WWC2: variants seen among roughly 807,000 people sequenced by gnomAD.
WWC2 encodes protein WWC2.
In WWC2, 101 loss-of-function variants were observed where a neutral mutation model predicts 138.5. That is an observed-to-expected ratio of 0.73 (90% CI 0.62 to 0.86). The LOEUF is 0.86. WWC2 is among the 40% of genes least tolerant of loss of function. WWC2 has a pLI of 0.00. For synonymous variants in WWC2, 558 were observed against 538.4 expected, an observed-to-expected ratio of 1.04 and a Z score of -0.50; for missense variants, 1,420 against 1,419.4, an observed-to-expected ratio of 1.00 and a Z score of -0.01.
chr4:183,111,179 G>T (rs1029198226), intron 1 of WWC2, among the ~76,000 whole-genome samples: 1 of 152,180 alleles, frequency 6.6e-6, no homozygotes, highest in Non-Finnish European at 1.5e-5. Context: ...GGCGGAGCTT[G>T]CAGTGAGCGG....
intron 22 of WWC2, among the ~76,000 whole-genome samples, chr4:183,314,857 C>T (rs957214518): frequency 3.9e-5 from 6 of 152,160 alleles, no homozygotes; most frequent in African/African-American, 1.4e-4. Flanking sequence ...CTCACTCCTC[C>T]TTTTCTTCTC....
At chr4:183,195,910 T>TC (rs1291546443) in intron 2 of WWC2, among the ~76,000 whole-genome samples, 1 of 152,142 alleles carries the variant, frequency 6.6e-6, no homozygotes, top group Admixed American at 6.5e-5. Flanking sequence ...TGAAATGTAA[T>TC]CTCCAGTGTT....
rs745529424 is a variant in WWC2 at position 183,319,482 on chromosome 4, C to G, written c.*3753C>G. The G allele has an allele frequency of 6.4e-6, 9 of 1,408,344 alleles. No individual in the cohort carries two copies. The highest frequency in any genetic ancestry group is 8.7e-6 in the Non-Finnish European group (9 of 1,035,104). 87.2% of individuals were successfully genotyped at this position (1,408,344 alleles called of 1,614,324 possible). On this transcript the variant is annotated 3_prime_UTR_variant, in exon 23 of 23. Coordinates refer to ENST00000403733, the MANE Select transcript of WWC2 (RefSeq NM_024949.6). Reference sequence around the variant, plus strand: ...AAAAATCAAAAGCACAGTGAGATGACTAGAGCGGGACATCCTACCAAATCC... The same window carrying G: ...AAAAATCAAAAGCACAGTGAGATGAGTAGAGCGGGACATCCTACCAAATCC...
At chr4:183,125,903 T>A (rs914550696) in intron 1 of WWC2, among the ~76,000 whole-genome samples, 1 of 152,206 alleles carries the variant, frequency 6.6e-6, no homozygotes, top group African/African-American at 2.4e-5. Context: ...TGAGAAGGAT[T>A]GGCCTTGTTC....
chr4:183,099,733 T>G (rs946802483), intron 1 of WWC2, 111 bp downstream of exon 1: 1 of 1,060,424 alleles, frequency 9.4e-7, no homozygotes, highest in Non-Finnish European at 1.2e-6. Context: ...CCCCGAGGGG[T>G]CCCGGGAGGG....
intron 4 of WWC2, 42 bp from the exon 5 acceptor site, chr4:183,240,141 T>A (rs1736571312): frequency 7.1e-7 from 1 of 1,405,882 alleles, no homozygotes; most frequent in African/African-American, 1.5e-5. Context: ...GTGTTGCTAA[T>A]TATCTGCAAA....
At chr4:183,247,545 T>G in intron 6 of WWC2, among the ~76,000 whole-genome samples, 1 of 141,794 alleles carries the variant, frequency 7.1e-6, no homozygotes, top group East Asian at 2.0e-4. Context: ...ATATACTATA[T>G]ATATACTGTA....
chr4:183,175,339 G>C (rs1734432626), intron 1 of WWC2, among the ~76,000 whole-genome samples: 1 of 152,064 alleles, frequency 6.6e-6, no homozygotes, highest in African/African-American at 2.4e-5. Flanking sequence ...TTGGCTCACT[G>C]TAGCCTTGAT....
At position 183,282,877 on chromosome 4, in the gene WWC2, A is replaced by C. The variant is rs756618470; in HGVS notation, c.2854A>C (p.Ser952Arg). The C allele has an allele frequency of 6.3e-7, 1 of 1,588,402 alleles. No homozygotes were observed. The highest frequency in any genetic ancestry group is 8.6e-7 in the Non-Finnish European group (1 of 1,166,864). ...AAGCAACTGTGCCAAAGACCTCAGA[A>C]GTCAGCCACCTACTAGAATACCAAC... ...KESNCAKDLRSQPPTRIPTLV... is the reference protein window; with the variant it reads ...KESNCAKDLRRQPPTRIPTLV... The change falls in exon 18 of 23, where the codon AGT becomes CGT. Residue 952 changes from serine (S) to arginine (R), a missense_variant. Ser to Arg is a moderately radical substitution (Grantham distance 110). Transcript: ENST00000403733.
intron 1 of WWC2, among the ~76,000 whole-genome samples, chr4:183,101,906 T>G (rs534713442): frequency 6.6e-6 from 1 of 152,246 alleles, no homozygotes; most frequent in East Asian, 1.9e-4. Context: ...TTTTATGTTA[T>G]TCTGTTAAGG....
At chr4:183,113,929 A>G (rs1265858058) in intron 1 of WWC2, among the ~76,000 whole-genome samples, 1 of 152,154 alleles carries the variant, frequency 6.6e-6, no homozygotes, top group Non-Finnish European at 1.5e-5. Context: ...ATGTGGGTAC[A>G]TGAGGCTTGA....
intron 1 of WWC2, among the ~76,000 whole-genome samples, chr4:183,188,706 C>T (rs1734893720): frequency 6.7e-6 from 1 of 149,770 alleles, no homozygotes; most frequent in Non-Finnish European, 1.5e-5. Flanking sequence ...GTGCAATGGC[C>T]CGATCTTCAC....
chr4:183,130,897 C>T lies in WWC2; in HGVS notation c.131+31275C>T, dbSNP rs150401356. 3.9e-3 allele frequency among the ~76,000 whole-genome samples: 592 copies of T among 152,244 alleles called. 4 individuals carry two copies. The highest frequency in any genetic ancestry group is 0.01 in the Middle Eastern group (3 of 294). ...TACTATTTAAATGTTAAATCTCATCCGAAAAGTACTTTCACAGCAACATCT... is the reference window on the plus strand; with the variant it reads ...TACTATTTAAATGTTAAATCTCATCTGAAAAGTACTTTCACAGCAACATCT... On this transcript the variant is annotated intron_variant, in intron 1 of 22. Transcript: ENST00000403733.
At chr4:183,177,932 T>C (rs1734511383) in intron 1 of WWC2, among the ~76,000 whole-genome samples, 2 of 152,296 alleles carry the variant, frequency 1.3e-5, no homozygotes, top group South Asian at 2.1e-4. Flanking sequence ...TTCTTCACTT[T>C]GGGACCCTGC....
At chr4:183,279,866 ATTTTCT>A (rs1227831812) in intron 16 of WWC2, among the ~76,000 whole-genome samples, 4 of 151,548 alleles carry the variant, frequency 2.6e-5, no homozygotes, top group African/African-American at 7.3e-5. Flanking sequence ...TGCTAATGTG[ATTTTCT>A]TTTTGTTTAT....
chr4:183,229,317 G>A (rs549837761), intron 4 of WWC2, among the ~76,000 whole-genome samples: 2 of 152,190 alleles, frequency 1.3e-5, no homozygotes, highest in Non-Finnish European at 1.5e-5. Flanking sequence ...AAATTAGTGA[G>A]TAAAACTTTG....
At chr4:183,252,813 G>A (rs1737019613) in intron 8 of WWC2, among the ~76,000 whole-genome samples, 1 of 152,176 alleles carries the variant, frequency 6.6e-6, no homozygotes, top group Admixed American at 6.5e-5. Flanking sequence ...TAAGGAGAAT[G>A]TGAACGGGAG....
At chr4:183,182,407 G>A (rs1311135923) in intron 1 of WWC2, among the ~76,000 whole-genome samples, 1 of 152,158 alleles carries the variant, frequency 6.6e-6, no homozygotes, top group Non-Finnish European at 1.5e-5. Context: ...TCTGTTATTT[G>A]TTTGGACAAT....
intron 14 of WWC2, among the ~76,000 whole-genome samples, chr4:183,267,409 C>G (rs916526816): frequency 1.3e-5 from 2 of 152,174 alleles, no homozygotes; most frequent in Non-Finnish European, 2.9e-5. Flanking sequence ...TGTGACTTCT[C>G]CCTACCAGTA....
Sources: gnomAD v4.1 joint callset for allele counts (sites outside exome capture counted in the v4.1 genomes callset) on GRCh38, gnomAD v4.1.1 for gene constraint, MANE v1.5 for transcripts, NCBI Gene and HGNC (gene_info 2026-07-23, HGNC 2026-07-21) for gene names.